Variants in EXOC4 observed in about 807,000 individuals in gnomAD.
The protein encoded by EXOC4 is exocyst complex component 4.
In EXOC4, 71 loss-of-function variants were observed where a neutral mutation model predicts 107.2. The ratio of observed to expected loss-of-function variants is 0.66; its 90% CI spans 0.55 to 0.81. The LOEUF (loss-of-function observed/expected upper bound fraction) is 0.81. EXOC4 is among the 30% of genes least tolerant of loss of function. The pLI, the probability that EXOC4 is intolerant of heterozygous loss-of-function variation, is 0.00. For missense variants in EXOC4, 1,108 were observed against 1,189.6 expected (o/e 0.93, Z 1.01); for synonymous variants, 456 against 441.2 (o/e 1.03, Z -0.42).
chr7:133,515,130 TA>T (rs1799847973), intron 9 of EXOC4, among the ~76,000 whole-genome samples: 1 of 152,172 alleles, frequency 6.6e-6, no homozygotes. Flanking sequence ...ATATGTGGAA[TA>T]TGGATTTACT....
chr7:133,347,069 A>G (rs988245992), intron 5 of EXOC4, among the ~76,000 whole-genome samples: 2 of 152,092 alleles, frequency 1.3e-5, no homozygotes, highest in African/African-American at 4.8e-5. Flanking sequence ...GGTGGTCTAG[A>G]TTGCTTTCTG....
intron 4 of EXOC4, among the ~76,000 whole-genome samples, chr7:133,310,641 T>C (rs1291811177): frequency 1.2e-4 from 18 of 152,210 alleles, no homozygotes. Flanking sequence ...ACACACAGTC[T>C]TAGACAAGCC....
At chr7:133,800,604 G>A (rs1297007249) in intron 10 of EXOC4, among the ~76,000 whole-genome samples, 4 of 152,286 alleles carry the variant, frequency 2.6e-5, no homozygotes, top group South Asian at 2.1e-4. Context: ...GTCCTCTGAT[G>A]ATAGGATTTT....
chr7:133,997,911 A>G (rs1794435921), intron 15 of EXOC4, among the ~76,000 whole-genome samples: 1 of 152,148 alleles, frequency 6.6e-6, no homozygotes, highest in African/African-American at 2.4e-5. Flanking sequence ...CAGTTAATTA[A>G]CTTTACAAAC....
intron 11 of EXOC4, among the ~76,000 whole-genome samples, chr7:133,848,985 A>G (rs1258040452): frequency 6.6e-6 from 1 of 152,218 alleles, no homozygotes; most frequent in Non-Finnish European, 1.5e-5. Context: ...AAAATACCGG[A>G]ATACAAAAAT....
intron 4 of EXOC4, among the ~76,000 whole-genome samples, chr7:133,307,087 A>G (rs1794769319): frequency 6.6e-6 from 1 of 152,216 alleles, no homozygotes; most frequent in African/African-American, 2.4e-5. Flanking sequence ...TTCTTCATTC[A>G]GATATAGACA....
chr7:134,022,506 C>T (rs1453042738), intron 17 of EXOC4, among the ~76,000 whole-genome samples: 1 of 152,094 alleles, frequency 6.6e-6, no homozygotes, highest in Non-Finnish European at 1.5e-5. Context: ...CACTTGTTTA[C>T]ATTATGGGCC....
At chr7:133,908,684 C>T (rs1049273013) in intron 12 of EXOC4, among the ~76,000 whole-genome samples, 3 of 152,160 alleles carry the variant, frequency 2.0e-5, no homozygotes, top group African/African-American at 7.2e-5. Context: ...GCCAAATGCT[C>T]AGAAGAATGC....
At chr7:134,052,932 T>G (rs995917425) in intron 17 of EXOC4, among the ~76,000 whole-genome samples, 1 of 152,228 alleles carries the variant, frequency 6.6e-6, no homozygotes, top group East Asian at 1.9e-4. Context: ...CTTTGTGTTT[T>G]ATACAGATCA....
chr7:133,260,428 C>G (rs1016741799), intron 1 of EXOC4, among the ~76,000 whole-genome samples: 1 of 152,140 alleles, frequency 6.6e-6, no homozygotes, highest in African/African-American at 2.4e-5. Flanking sequence ...CGTGCGCCAC[C>G]ACACCCGGCT....
chr7:133,297,023 T>C (rs2150556716), intron 3 of EXOC4, among the ~76,000 whole-genome samples: 1 of 152,324 alleles, frequency 6.6e-6, no homozygotes, highest in East Asian at 1.9e-4. Flanking sequence ...CAAAACTTAT[T>C]GTCCTTGTCT....
At chr7:133,396,983 T>C (rs1584883440) in intron 7 of EXOC4, among the ~76,000 whole-genome samples, 1 of 152,294 alleles carries the variant, frequency 6.6e-6, no homozygotes, top group East Asian at 1.9e-4. Context: ...ACTTGTACCT[T>C]TGCTGTTTGT....
At chr7:133,331,557 T>TG (rs1477712811) in intron 5 of EXOC4, among the ~76,000 whole-genome samples, 1 of 142,330 alleles carries the variant, frequency 7.0e-6, no homozygotes, top group Non-Finnish European at 1.5e-5. Flanking sequence ...CTCCGCCCCC[T>TG]GGGGTTCATG....
intron 10 of EXOC4, among the ~76,000 whole-genome samples, chr7:133,811,739 A>C (rs1017266868): frequency 6.6e-6 from 1 of 152,212 alleles, no homozygotes; most frequent in African/African-American, 2.4e-5. Context: ...TCCTCTGTCA[A>C]TAAGAATTAC....
intron 10 of EXOC4, among the ~76,000 whole-genome samples, chr7:133,684,147 T>C (rs1226156990): frequency 6.6e-6 from 1 of 152,196 alleles, no homozygotes; most frequent in East Asian, 1.9e-4. Context: ...TTAGCATAGA[T>C]ATAAGGAACT....
chr7:133,771,589 G>A (rs564967733), intron 10 of EXOC4: 2 of 152,118 alleles, frequency 1.3e-5, no homozygotes, highest in South Asian at 2.1e-4. Context: ...ATTGCAATCC[G>A]TGGTATGGCA....
At chr7:133,486,078 C>G (rs981245231) in intron 9 of EXOC4, among the ~76,000 whole-genome samples, 3 of 152,016 alleles carry the variant, frequency 2.0e-5, no homozygotes, top group African/African-American at 2.4e-5. Context: ...TTAAAATGTT[C>G]TGTAAATCTC....
intron 9 of EXOC4, 91 bp downstream of exon 9, chr7:133,480,229 CT>C: frequency 6.4e-7 from 1 of 1,556,670 alleles, no homozygotes; most frequent in Non-Finnish European, 8.7e-7. Context: ...TCACACGATC[CT>C]TTCAAGGTAA....
At chr7:133,947,655 C>G (rs1044927708) in intron 14 of EXOC4, among the ~76,000 whole-genome samples, 3 of 152,192 alleles carry the variant, frequency 2.0e-5, no homozygotes, top group Non-Finnish European at 4.4e-5. Flanking sequence ...ACCCCACCCC[C>G]CTCCGTAAGG....
Sources: gnomAD v4.1 joint callset for allele counts (sites outside exome capture counted in the v4.1 genomes callset) on GRCh38, gnomAD v4.1.1 for gene constraint, MANE v1.5 for transcripts, NCBI Gene and HGNC (gene_info 2026-07-23, HGNC 2026-07-21) for gene names.